The following TRAPPC9 variants were observed in gnomAD, a reference collection of about 807,000 sequenced individuals.
TRAPPC9 encodes IKK2 binding protein.
Under a neutral mutation model 124.0 loss-of-function variants are expected in TRAPPC9, and 83 were observed. The ratio of observed to expected loss-of-function variants is 0.67; its 90% CI spans 0.56 to 0.80. TRAPPC9 has a LOEUF of 0.80. TRAPPC9 is among the 30% of genes least tolerant of loss of function. The probability of loss-of-function intolerance (pLI) is 0.00; values close to 1 mark genes in which losing one functional copy is unlikely to be tolerated. For missense variants in TRAPPC9, 1,302 were observed against 1,508.3 expected, an observed-to-expected ratio of 0.86 and a Z score of 2.27; for synonymous variants, 638 against 617.5, an observed-to-expected ratio of 1.03 and a Z score of -0.49.
At chr8:140,006,856 T>C (rs1838792292) in intron 18 of TRAPPC9, among the ~76,000 whole-genome samples, 1 of 152,140 alleles carries the variant, frequency 6.6e-6, no homozygotes. Context: ...ATGGCAGCGA[T>C]GGGTACAGGG....
At chr8:139,830,194 A>C (rs953778837) in intron 21 of TRAPPC9, among the ~76,000 whole-genome samples, 6 of 152,158 alleles carry the variant, frequency 3.9e-5, no homozygotes, top group Non-Finnish European at 7.4e-5. Flanking sequence ...GTATACAAAC[A>C]CATACACACA....
At chr8:140,455,340 C>T (rs2071615640) in intron 1 of TRAPPC9, among the ~76,000 whole-genome samples, 1 of 151,588 alleles carries the variant, frequency 6.6e-6, no homozygotes, top group African/African-American at 2.4e-5. Context: ...GCCATGTTGT[C>T]CAGGCTGGTC....
chr8:139,755,336 G>C (rs537838683), intron 21 of TRAPPC9, among the ~76,000 whole-genome samples: 1 of 150,366 alleles, frequency 6.7e-6, no homozygotes, highest in East Asian at 2.0e-4. Flanking sequence ...GGAAGAGCCA[G>C]GATTTGGGGT....
intron 20 of TRAPPC9, among the ~76,000 whole-genome samples, chr8:139,909,915 C>T (rs997762424): frequency 2.3e-4 from 35 of 152,198 alleles, no homozygotes; most frequent in East Asian, 1.9e-4. Context: ...AGAGCACCAC[C>T]GGCTCCGAGA....
At chr8:140,139,860 G>A (rs953155961) in intron 17 of TRAPPC9, among the ~76,000 whole-genome samples, 4 of 152,016 alleles carry the variant, frequency 2.6e-5, no homozygotes, top group South Asian at 2.1e-4. Context: ...TCAAAAGCCC[G>A]CAGTTTTGCC....
intron 9 of TRAPPC9, among the ~76,000 whole-genome samples, chr8:140,318,750 C>A (rs947988097): frequency 3.3e-5 from 5 of 152,178 alleles, no homozygotes; most frequent in Admixed American, 6.5e-5. Context: ...TGTGTACATA[C>A]CACATTTTCT....
intron 21 of TRAPPC9, among the ~76,000 whole-genome samples, chr8:139,856,471 C>G (rs141714230): frequency 6.6e-6 from 1 of 152,154 alleles, no homozygotes; most frequent in Non-Finnish European, 1.5e-5. Flanking sequence ...CCTTGGGAAG[C>G]GAACCCACCA....
At chr8:140,015,195 T>C (rs1265070543) in intron 18 of TRAPPC9, among the ~76,000 whole-genome samples, 1 of 152,166 alleles carries the variant, frequency 6.6e-6, no homozygotes, top group South Asian at 2.1e-4. Context: ...GCCATCTTCA[T>C]TGTCCATGCT....
Position 140,222,574 on chromosome 8 carries a change from G to A in TRAPPC9, c.2432-991C>T, listed in dbSNP as rs536483351. 7.2e-5 allele frequency among the ~76,000 whole-genome samples: 11 copies of A among 152,262 alleles called. 1 individual carries two copies. The East Asian group carries it at 1.4e-3, about 19-fold the overall frequency. The stretch of plus-strand genomic sequence containing the variant: ...CCTGAGGAAAGGGGGCTCACACCCT[G>A]CCCCTAGCACTCAAGAGGAAATGTC... On this transcript the variant is annotated intron_variant, in intron 16 of 22. Transcript: ENST00000438773.
chr8:139,935,126 C>T (rs778862109), intron 19 of TRAPPC9, among the ~76,000 whole-genome samples: 1 of 152,190 alleles, frequency 6.6e-6, no homozygotes, highest in African/African-American at 2.4e-5. Context: ...GACAAGACAT[C>T]ACCGTGCGAG....
chr8:140,070,437 A>G (rs2129789156), intron 17 of TRAPPC9, among the ~76,000 whole-genome samples: 1 of 152,370 alleles, frequency 6.6e-6, no homozygotes, highest in South Asian at 2.1e-4. Context: ...TATCCATAAT[A>G]CATACGCATA....
chr8:140,419,067 G>A (rs2070062311), intron 5 of TRAPPC9, among the ~76,000 whole-genome samples: 1 of 152,162 alleles, frequency 6.6e-6, no homozygotes, highest in Non-Finnish European at 1.5e-5. Context: ...GCGGAGGCGG[G>A]TGGATCACAA....
In TRAPPC9 at chr8:139,825,928, C is replaced by T. The variant is rs1049208114; in HGVS notation, c.3055+59951G>A. Reference sequence around the variant, plus strand: ...GGCTCTGGTGGGGAGAGGTGAGCATCGGATATAACCCGCCCGTGGAACAGG... The same window carrying T: ...GGCTCTGGTGGGGAGAGGTGAGCATTGGATATAACCCGCCCGTGGAACAGG... On this transcript the variant is annotated intron_variant, in intron 21 of 22. Transcript: ENST00000438773. The surrounding 1 kb of genome is among the most constrained non-coding windows in gnomAD (Gnocchi z 4.6). 4.6e-5 allele frequency among the ~76,000 whole-genome samples: 7 copies of T among 152,142 alleles called. No homozygotes were observed. Among genetic ancestry groups the T allele is most frequent in the Admixed American group, 1.3e-4 (2 of 15,280 alleles).
At chr8:139,996,949 G>A (rs932032185) in intron 18 of TRAPPC9, among the ~76,000 whole-genome samples, 2 of 152,144 alleles carry the variant, frequency 1.3e-5, no homozygotes, top group South Asian at 4.1e-4. Flanking sequence ...ATTTTGCCAC[G>A]TTGGCCAGGC....
intron 2 of TRAPPC9, among the ~76,000 whole-genome samples, chr8:140,443,514 G>A (rs1398768257): frequency 6.6e-6 from 1 of 152,066 alleles, no homozygotes; most frequent in Non-Finnish European, 1.5e-5. Context: ...TTTGGGGTGG[G>A]GAGCCTTTTG....
intron 19 of TRAPPC9, among the ~76,000 whole-genome samples, chr8:139,941,290 C>T (rs1022377912): frequency 4.6e-5 from 7 of 152,216 alleles, no homozygotes; most frequent in Admixed American, 3.3e-4. Context: ...CACAGGGAAA[C>T]AACAGAGGCC....
Position 139,894,518 on chromosome 8 carries a change from G to A in TRAPPC9, c.2965-8549C>T, listed in dbSNP as rs148362672. Among the ~76,000 whole-genome samples the A allele has an allele frequency of 2.1e-3, 324 of 152,302 alleles. 1 individual carries two copies. The highest frequency in any genetic ancestry group is 7.6e-3 in the African/African-American group (316 of 41,568). ...GGAAACGCCATCCCCTGCGGAGTGT[G>A]AGGGGACTGGACCCCGGGAACTGGA... On this transcript the variant is annotated intron_variant, in intron 20 of 22. Transcript: ENST00000438773.
At chr8:140,056,530 T>G (rs1015595107) in intron 17 of TRAPPC9, among the ~76,000 whole-genome samples, 3 of 151,840 alleles carry the variant, frequency 2.0e-5, no homozygotes, top group Non-Finnish European at 4.4e-5. Flanking sequence ...TCAACTGATC[T>G]TCAGTAAAGG....
chr8:140,247,523 A>C (rs2064015989), intron 16 of TRAPPC9, among the ~76,000 whole-genome samples: 1 of 152,088 alleles, frequency 6.6e-6, no homozygotes, highest in Admixed American at 6.5e-5. Context: ...CAAGATTCTC[A>C]TGTATACAGT....
Sources: allele counts gnomAD v4.1 joint callset (sites outside exome capture counted in the v4.1 genomes callset), GRCh38; gene constraint gnomAD v4.1.1; non-coding constraint Gnocchi (gnomAD v3.1); transcripts MANE v1.5; gene names NCBI Gene and HGNC (gene_info 2026-07-23, HGNC 2026-07-21).